Variants in PRKCE observed in about 807,000 individuals in gnomAD.
PRKCE encodes protein kinase C epsilon type.
A neutral mutation model predicts 85.4 loss-of-function variants in PRKCE; 16 were observed. The observed-to-expected ratio is 0.19, with a 90% CI of 0.13 to 0.28. PRKCE has a LOEUF of 0.28. Among genes scored for constraint, PRKCE ranks in the 10% least tolerant of loss-of-function variants. The pLI, the probability that PRKCE is intolerant of heterozygous loss-of-function variation, is 1.00. For missense variants in PRKCE, 573 were observed against 975.2 expected (o/e 0.59, Z 5.49); for synonymous variants, 388 against 371.5 (o/e 1.04, Z -0.51).
chr2:45,726,098 T>C (rs1278706760), intron 1 of PRKCE, among the ~76,000 whole-genome samples: 2 of 152,186 alleles, frequency 1.3e-5, no homozygotes, highest in East Asian at 1.9e-4. Flanking sequence ...GAGTTGCTTC[T>C]TAGGGAAAAA....
chr2:46,138,232 G>A lies in PRKCE; in HGVS notation c.1593-6861G>A, dbSNP rs1016973226. ...CCTGGTAGAGTCTGTGATCCCTTGT[G>A]CTCCATGTTCTCCTCACCACAAAGA... On this transcript the variant is annotated intron_variant, in intron 11 of 14. Coordinates refer to ENST00000306156, the MANE Select transcript of PRKCE (RefSeq NM_005400.3). The surrounding 1 kb of genome is among the most constrained non-coding windows in gnomAD (Gnocchi z 4.2). 2.0e-5 allele frequency among the ~76,000 whole-genome samples: 3 copies of A among 152,146 alleles called. No homozygotes were observed. Among genetic ancestry groups the A allele is most frequent in the Admixed American group, 2.0e-4 (3 of 15,264 alleles).
chr2:46,123,214 C>CCTTTTTTTTTTTTTTTTTTT (rs1673499626), intron 11 of PRKCE, among the ~76,000 whole-genome samples: 1 of 27,352 alleles, frequency 3.7e-5, no homozygotes. Context: ...AAACACTTGC[C>CCTTTTTTTTTTTTTTTTTTT]TTTTTTTTTT....
Position 45,895,822 on chromosome 2 carries a change from G to A in PRKCE, c.412+52759G>A, listed in dbSNP as rs1249193007. ...ACGCAGGTGCGCAGGTGTAGAGGAA[G>A]TGCTGTAGGGCCGCAGGGGTTGGGG... is the stretch of plus-strand genomic sequence containing the variant. On this transcript the variant is annotated intron_variant, in intron 2 of 14. Coordinates refer to ENST00000306156, the MANE Select transcript of PRKCE (RefSeq NM_005400.3). This position sits in a 1 kb window ranked among gnomAD's most constrained non-coding sequence, Gnocchi z 4.8. Among the ~76,000 whole-genome samples, 1 of 152,192 alleles carries A rather than the reference G, an allele frequency of 6.6e-6. No homozygotes were observed. Among genetic ancestry groups the A allele is most frequent in the African/African-American group, 2.4e-5 (1 of 41,452 alleles).
intron 1 of PRKCE, among the ~76,000 whole-genome samples, chr2:45,707,029 A>T (rs1332112282): frequency 6.6e-6 from 1 of 152,228 alleles, no homozygotes; most frequent in South Asian, 2.1e-4. Flanking sequence ...TCTCTCCCCA[A>T]AGATGGGGGT....
At chr2:46,087,683 A>G (rs942082660) in intron 11 of PRKCE, among the ~76,000 whole-genome samples, 4 of 145,552 alleles carry the variant, frequency 2.7e-5, no homozygotes, top group Non-Finnish European at 5.9e-5. Flanking sequence ...GCATCCATCC[A>G]TTATCTCACA....
At chr2:46,134,211 T>C (rs924180400) in intron 11 of PRKCE, among the ~76,000 whole-genome samples, 2 of 152,208 alleles carry the variant, frequency 1.3e-5, no homozygotes, top group Non-Finnish European at 2.9e-5. Context: ...ATTTGACCAG[T>C]AGGTATTGAG....
chr2:45,860,423 C>G (rs183061190), intron 2 of PRKCE, among the ~76,000 whole-genome samples: 231 of 152,278 alleles, frequency 1.5e-3, no homozygotes, highest in Middle Eastern at 3.4e-3. Flanking sequence ...AGGTTTTAGA[C>G]TTGTAGCTGG....
chr2:45,815,858 T>A (rs1689000091), intron 1 of PRKCE, among the ~76,000 whole-genome samples: 1 of 152,206 alleles, frequency 6.6e-6, no homozygotes, highest in Admixed American at 6.5e-5. Context: ...ACCTTGGGTG[T>A]CATCCTCAAG....
intron 2 of PRKCE, among the ~76,000 whole-genome samples, chr2:45,861,527 C>G (rs901663643): frequency 6.6e-6 from 1 of 152,142 alleles, no homozygotes; most frequent in Non-Finnish European, 1.5e-5. Context: ...GCCCTTAGCC[C>G]ATTCTTCAAT....
At chr2:45,777,767 C>T (rs895991644) in intron 1 of PRKCE, among the ~76,000 whole-genome samples, 32 of 152,142 alleles carry the variant, frequency 2.1e-4, no homozygotes, top group African/African-American at 7.0e-4. Context: ...CTCCTAATCA[C>T]AGCATTGTCC....
At chr2:46,163,849 A>G (rs117997292) in intron 14 of PRKCE, among the ~76,000 whole-genome samples, 4,248 of 127,860 alleles carry the variant, frequency 0.033, 79 homozygotes, top group East Asian at 0.094. Context: ...TGAGAGACAC[A>G]GGGAAGCTGA....
intron 10 of PRKCE, among the ~76,000 whole-genome samples, chr2:46,020,320 A>G (rs1706542044): frequency 6.6e-6 from 1 of 152,184 alleles, no homozygotes; most frequent in Non-Finnish European, 1.5e-5. Context: ...ACATGTTAGC[A>G]TTCCAAGGAA....
Position 45,733,906 on chromosome 2 carries a change from C to T in PRKCE, c.348+81458C>T, listed in dbSNP as rs145717650. 7.8e-4 allele frequency among the ~76,000 whole-genome samples: 119 copies of T among 152,308 alleles called. 1 individual carries two copies. Among genetic ancestry groups the T allele is most frequent in the South Asian group, 1.5e-3 (7 of 4,824 alleles). ...AACGATTTTGCTTTGAGCCTGTGCA[C>T]ATGGCATTCATTGTGTAGCAGTTTC... On this transcript the variant is annotated intron_variant, in intron 1 of 14. Transcript: ENST00000306156.
At chr2:46,006,878 G>T (rs1028754438) in intron 8 of PRKCE, among the ~76,000 whole-genome samples, 11 of 152,182 alleles carry the variant, frequency 7.2e-5, no homozygotes, top group African/African-American at 2.7e-4. Context: ...TAAGCCCATT[G>T]CTCATTTTGT....
chr2:45,828,824 G>A (rs1690168620), intron 1 of PRKCE, among the ~76,000 whole-genome samples: 1 of 152,008 alleles, frequency 6.6e-6, no homozygotes, highest in Non-Finnish European at 1.5e-5. Context: ...GTAGAAAGTT[G>A]AGAAACTATA....
intron 2 of PRKCE, among the ~76,000 whole-genome samples, chr2:45,973,119 T>C (rs1050206030): frequency 2.0e-5 from 3 of 152,184 alleles, no homozygotes; most frequent in Non-Finnish European, 1.5e-5. Context: ...GGGATCTACA[T>C]TTTGGAAGAG....
chr2:45,972,595 G>A (rs1271632036), intron 2 of PRKCE, among the ~76,000 whole-genome samples: 1 of 152,194 alleles, frequency 6.6e-6, no homozygotes, highest in Non-Finnish European at 1.5e-5. Flanking sequence ...TATGGTTTCA[G>A]TGTTTACATT....
rs1467690863 is a variant in PRKCE, at chr2:45,700,176, G to T, written c.348+47728G>T. On this transcript the variant is annotated intron_variant, in intron 1 of 14. Coordinates refer to ENST00000306156, the MANE Select transcript of PRKCE (RefSeq NM_005400.3). ...GGGCTAACATCTGAGGCCCTGCCGG[G>T]AGCCAGGGTCTCGGTGGAGAGGTGA... 6.7e-5 allele frequency among the ~76,000 whole-genome samples: 10 copies of T among 149,366 alleles called. No individual in the cohort carries two copies. In the East Asian group the frequency reaches 1.8e-3, roughly 26 times the overall value.
intron 10 of PRKCE, among the ~76,000 whole-genome samples, chr2:46,081,926 T>A (rs961436298): frequency 6.6e-6 from 1 of 152,004 alleles, no homozygotes; most frequent in African/African-American, 2.4e-5. Context: ...CAAAACCCCA[T>A]CTCTACTAAA....
Sources: allele counts gnomAD v4.1 joint callset (sites outside exome capture counted in the v4.1 genomes callset), GRCh38; gene constraint gnomAD v4.1.1; non-coding constraint Gnocchi (gnomAD v3.1); transcripts MANE v1.5; gene names NCBI Gene and HGNC (gene_info 2026-07-23, HGNC 2026-07-21).